The following DNAH5 variants were observed in gnomAD, a reference collection of about 807,000 sequenced individuals.
The protein encoded by DNAH5 is axonemal beta dynein heavy chain 5.
DNAH5 carries 372 observed loss-of-function variants against 518.2 expected under a neutral mutation model. The observed-to-expected ratio is 0.72, with a 90% CI of 0.66 to 0.78. The LOEUF is 0.78. Ranked by LOEUF, DNAH5 falls within the 30% of genes least tolerant of loss-of-function variation. The pLI is 0.00. For missense variants in DNAH5, 5,523 were observed against 5,687.0 expected (o/e 0.97, Z 0.93); for synonymous variants, 2,039 against 2,025.9 (o/e 1.01, Z -0.17).
chr5:13,732,584 G>A (rs992740338), intron 68 of DNAH5, among the ~76,000 whole-genome samples: 28 of 152,172 alleles, frequency 1.8e-4, no homozygotes, highest in African/African-American at 6.7e-4. Flanking sequence ...GGCCAGGCTG[G>A]TCTTGAACTC....
chr5:13,840,664 C>T (rs1210810095), intron 34 of DNAH5, among the ~76,000 whole-genome samples: 4 of 152,268 alleles, frequency 2.6e-5, no homozygotes, highest in Non-Finnish European at 4.4e-5. Flanking sequence ...AAAATCATCA[C>T]GTTAAAACAT....
chr5:13,982,696 G>GTAGACATATGCACTATTGCATGAA, intron 1 of DNAH5, among the ~76,000 whole-genome samples: 1 of 11,190 alleles, frequency 8.9e-5, no homozygotes, highest in South Asian at 4.7e-3. Flanking sequence ...TATTGCATGA[G>GTAGACATATGCACTATTGCATGAA]TGAGTAGACA....
chr5:13,823,760 A>T (rs1038525847), intron 39 of DNAH5, among the ~76,000 whole-genome samples: 1 of 152,244 alleles, frequency 6.6e-6, no homozygotes, highest in Admixed American at 6.5e-5. Context: ...TAAAATAAAA[A>T]TCTATCATTT....
At chr5:13,866,950 C>T (rs1347412079) in intron 25 of DNAH5, among the ~76,000 whole-genome samples, 2 of 152,138 alleles carry the variant, frequency 1.3e-5, no homozygotes, top group African/African-American at 2.4e-5. Context: ...AAAATATGGA[C>T]TCCGTGGGGG....
intron 15 of DNAH5, chr5:13,896,626 T>C (rs1773948601): frequency 6.6e-6 from 1 of 152,232 alleles, no homozygotes; most frequent in East Asian, 1.9e-4. Context: ...TTGTCTGCTT[T>C]GTCCAGTGAG....
intron 1 of DNAH5, among the ~76,000 whole-genome samples, chr5:13,961,251 TG>T (rs1781155902): frequency 6.6e-6 from 1 of 152,190 alleles, no homozygotes. Context: ...ATGAGGAAAC[TG>T]AGAGTGAGAA....
intron 56 of DNAH5, 125 bp from the exon 57 acceptor site, chr5:13,769,740 C>T (rs1753067162): frequency 2.5e-6 from 2 of 814,934 alleles, no homozygotes; most frequent in Admixed American, 1.9e-5. Context: ...AAGTAGCAAA[C>T]CCAAGAGGGC....
chr5:13,760,538 T>C (rs995116485), intron 60 of DNAH5, among the ~76,000 whole-genome samples: 1 of 152,238 alleles, frequency 6.6e-6, no homozygotes, highest in African/African-American at 2.4e-5. Flanking sequence ...TCTTTATATG[T>C]ACTCATACTG....
chr5:13,965,977 TCACCC>T (rs1446537833), intron 1 of DNAH5, among the ~76,000 whole-genome samples: 2 of 151,974 alleles, frequency 1.3e-5, no homozygotes, highest in African/African-American at 4.8e-5. Context: ...ATACTATCCC[TCACCC>T]CCCTCCCATC....
intron 1 of DNAH5, among the ~76,000 whole-genome samples, chr5:13,943,272 G>C (rs932431201): frequency 1.3e-5 from 2 of 152,220 alleles, no homozygotes; most frequent in Non-Finnish European, 2.9e-5. Context: ...CAAGCTCTGT[G>C]TTAAAGGAAG....
intron 66 of DNAH5, 29 bp from the exon 67 acceptor site, chr5:13,735,961 G>A (rs370692360): frequency 7.8e-6 from 12 of 1,541,234 alleles, no homozygotes; most frequent in African/African-American, 5.4e-5. Flanking sequence ...GGTTGCATGT[G>A]CTACGAGAGA....
rs375557733 is a variant in DNAH5, at chr5:13,766,003, A to T, written c.10074T>A (p.Thr3358=). ...GTAAGTTCTGTAAAAAGTTCCCTGC[A>T]GTCATCAATTTTAAGGATTCCTGCC... ...PSWQESLKLM[T]AGNFLQNLQQ... Residue 3358 remains threonine (T), a synonymous_variant, in exon 59 of 79, where the codon ACT becomes ACA. Transcript: ENST00000265104. 1 of 1,614,196 alleles carries T rather than the reference A, an allele frequency of 6.2e-7. No homozygotes were observed. Among genetic ancestry groups the T allele is most frequent in the Non-Finnish European group, 8.5e-7 (1 of 1,180,004 alleles).
chr5:13,945,262 C>T (rs1237155916), upstream of DNAH5, among the ~76,000 whole-genome samples: 2 of 152,198 alleles, frequency 1.3e-5, no homozygotes, highest in Non-Finnish European at 2.9e-5. Context: ...TTTCTCCCAT[C>T]GAGTTGAATA....
At chr5:13,975,186 G>A (rs1434524792) in intron 1 of DNAH5, among the ~76,000 whole-genome samples, 1 of 152,160 alleles carries the variant, frequency 6.6e-6, no homozygotes, top group East Asian at 1.9e-4. Context: ...TCACAATTAT[G>A]GCAGAAGGAG....
At chr5:13,925,843 A>G (rs1235179602) in intron 3 of DNAH5, among the ~76,000 whole-genome samples, 1 of 152,246 alleles carries the variant, frequency 6.6e-6, no homozygotes, top group East Asian at 1.9e-4. Context: ...CCTCAGGTCA[A>G]GAATGAGACT....
chr5:13,741,798 G>A (rs1580004078), intron 65 of DNAH5, among the ~76,000 whole-genome samples: 1 of 152,204 alleles, frequency 6.6e-6, no homozygotes, highest in Non-Finnish European at 1.5e-5. Context: ...TTGACATCAG[G>A]AAGACATATG....
Position 13,902,052 on chromosome 5 carries a change from C to T in DNAH5, c.1730+1G>A. On this transcript the variant is annotated splice_donor_variant, in intron 13 of 78. Coordinates refer to ENST00000265104, the MANE Select transcript of DNAH5 (RefSeq NM_001369.3). LOFTEE classifies it high-confidence loss of function. ...AATAGACAATTTCTTGAAAATTTTA[C>T]CTTTCAAATTTCTTCAACATTCTTA... 1 of 1,584,012 alleles carries T rather than the reference C, an allele frequency of 6.3e-7. No individual in the cohort carries two copies. The highest frequency in any genetic ancestry group is 2.2e-5 in the East Asian group (1 of 44,452).
At chr5:14,009,718 C>T (rs1784987304) in intron 1 of DNAH5, among the ~76,000 whole-genome samples, 1 of 152,168 alleles carries the variant, frequency 6.6e-6, no homozygotes, top group Non-Finnish European at 1.5e-5. Context: ...TGCTCATTTA[C>T]CACCTTCCAC....
At chr5:13,752,488 T>C (rs1750379826) in intron 63 of DNAH5, among the ~76,000 whole-genome samples, 199 bp from the exon 64 acceptor site, 1 of 152,212 alleles carries the variant, frequency 6.6e-6, no homozygotes, top group Non-Finnish European at 1.5e-5. Context: ...CTGACCCCTA[T>C]GCTTTCTGAT....
Sources: allele counts gnomAD v4.1 joint callset (sites outside exome capture counted in the v4.1 genomes callset), GRCh38; gene constraint gnomAD v4.1.1; transcripts MANE v1.5; gene names NCBI Gene and HGNC (gene_info 2026-07-23, HGNC 2026-07-21).